RBFOX1: variants seen among roughly 807,000 people sequenced by gnomAD.
The protein encoded by RBFOX1 is RNA binding protein fox-1 homolog 1.
Under a neutral mutation model 57.7 loss-of-function variants are expected in RBFOX1, and 8 were observed. The ratio of observed to expected loss-of-function variants is 0.14; its 90% CI spans 0.08 to 0.25. The LOEUF (loss-of-function observed/expected upper bound fraction) is 0.25, where lower values mean the gene tolerates loss of function less well. Among genes scored for constraint, RBFOX1 ranks in the 10% least tolerant of loss-of-function variants. The pLI, the probability that RBFOX1 is intolerant of heterozygous loss-of-function variation, is 1.00. For synonymous variants in RBFOX1, 326 were observed against 222.4 expected (o/e 1.47, Z -4.15); for missense variants, 611 against 548.5 (o/e 1.11, Z -1.14).
In RBFOX1 at chr16:6,029,437, C is replaced by T. The variant is rs565300767; in HGVS notation, c.-127+9445C>T. Among the ~76,000 whole-genome samples the T allele has an allele frequency of 5.3e-5, 8 of 152,294 alleles. No homozygotes were observed. In the South Asian group the frequency reaches 1.2e-3, roughly 24 times the overall value. Reference sequence around the variant, plus strand: ...TATATGCACACTGAAAGAGGATAGACTATTTAAAGTTTGAGAATTTTTACA... The same window carrying T: ...TATATGCACACTGAAAGAGGATAGATTATTTAAAGTTTGAGAATTTTTACA... On this transcript the variant is annotated intron_variant, in intron 1 of 15. Coordinates refer to ENST00000550418, the MANE Select transcript of RBFOX1 (RefSeq NM_018723.4).
At chr16:6,583,649 A>C (rs1359491573) in intron 2 of RBFOX1, among the ~76,000 whole-genome samples, 2 of 152,194 alleles carry the variant, frequency 1.3e-5, no homozygotes, top group South Asian at 2.1e-4. Flanking sequence ...GGTTTTGTCA[A>C]GGTAACTAGG....
At chr16:5,702,294 C>T (rs2151484483) in intron 3 of RBFOX1, among the ~76,000 whole-genome samples, 1 of 152,254 alleles carries the variant, frequency 6.6e-6, no homozygotes, top group Non-Finnish European at 1.5e-5. Flanking sequence ...GGAGATAGAG[C>T]AAAAGGGGAT....
At chr16:6,621,556 C>T (rs114620334) in intron 2 of RBFOX1, among the ~76,000 whole-genome samples, 1,686 of 152,286 alleles carry the variant, frequency 0.011, 32 homozygotes, top group African/African-American at 0.035. Context: ...TTAATTACAT[C>T]GGCAAAGCCC....
At chr16:7,479,637 G>A (rs1048201032) in intron 4 of RBFOX1, among the ~76,000 whole-genome samples, 9 of 152,162 alleles carry the variant, frequency 5.9e-5, no homozygotes, top group African/African-American at 1.9e-4. Context: ...GAAGGATGCA[G>A]CTTCTTCTGC....
intron 1 of RBFOX1, among the ~76,000 whole-genome samples, chr16:6,291,187 T>C (rs1387586580): frequency 1.3e-5 from 2 of 152,180 alleles, no homozygotes; most frequent in Non-Finnish European, 2.9e-5. Context: ...CAGCAAGGTC[T>C]TCTTGACCTG....
At chr16:7,080,859 G>C (rs563143088) in intron 4 of RBFOX1, among the ~76,000 whole-genome samples, 1 of 152,232 alleles carries the variant, frequency 6.6e-6, no homozygotes, top group South Asian at 2.1e-4. Context: ...TCCATCCTCA[G>C]GACCAAGGGA....
At chr16:5,245,166 A>T (rs912684450) in intron 1 of RBFOX1, among the ~76,000 whole-genome samples, 10 of 152,206 alleles carry the variant, frequency 6.6e-5, no homozygotes, top group Admixed American at 2.0e-4. Flanking sequence ...GGCGAGTCAC[A>T]TGATGGTGTT....
At chr16:5,742,705 T>C (rs532809873) in intron 3 of RBFOX1, among the ~76,000 whole-genome samples, 1 of 152,222 alleles carries the variant, frequency 6.6e-6, no homozygotes, top group Non-Finnish European at 1.5e-5. Flanking sequence ...GTATCATATA[T>C]GACTTAAAGA....
chr16:6,397,004 A>C (rs2092865503), intron 2 of RBFOX1, among the ~76,000 whole-genome samples: 2 of 152,238 alleles, frequency 1.3e-5, no homozygotes, highest in Admixed American at 1.3e-4. Context: ...AATGTATATC[A>C]TTCAATTTGA....
chr16:6,556,328 C>T (rs17140585), intron 2 of RBFOX1, among the ~76,000 whole-genome samples: 1 of 152,104 alleles, frequency 6.6e-6, no homozygotes. Flanking sequence ...TCAAGTGACA[C>T]TATCTCTTTG....
At chr16:7,433,512 T>C (rs1220313960) in intron 4 of RBFOX1, among the ~76,000 whole-genome samples, 1 of 152,084 alleles carries the variant, frequency 6.6e-6, no homozygotes, top group African/African-American at 2.4e-5. Context: ...TACAGACAAA[T>C]GCGCGGTGAA....
chr16:5,781,638 C>G (rs1388850731), intron 3 of RBFOX1, among the ~76,000 whole-genome samples: 2 of 152,224 alleles, frequency 1.3e-5, no homozygotes, highest in Admixed American at 6.5e-5. Flanking sequence ...TAGACGTGTA[C>G]ACAAATGGAT....
At chr16:5,312,208 C>A (rs1395709670) in intron 1 of RBFOX1, among the ~76,000 whole-genome samples, 2 of 152,220 alleles carry the variant, frequency 1.3e-5, no homozygotes, top group Non-Finnish European at 2.9e-5. Context: ...AAGCTTACTT[C>A]GGGTGAAAGA....
chr16:6,999,105 G>A (rs2092532388), intron 3 of RBFOX1, among the ~76,000 whole-genome samples: 1 of 150,178 alleles, frequency 6.7e-6, no homozygotes. Context: ...CTGACTTCAG[G>A]TGATCCGCCC....
At chr16:7,103,975 T>C (rs1399537523) in intron 4 of RBFOX1, among the ~76,000 whole-genome samples, 1 of 152,188 alleles carries the variant, frequency 6.6e-6, no homozygotes, top group Non-Finnish European at 1.5e-5. Context: ...TTTACACAAC[T>C]TGCTCCCTAT....
chr16:7,543,018 C>T (rs1231303361), intron 5 of RBFOX1, among the ~76,000 whole-genome samples: 1 of 152,176 alleles, frequency 6.6e-6, no homozygotes, highest in African/African-American at 2.4e-5. Flanking sequence ...TAGGTTGCAT[C>T]TCAGTGAATG....
At chr16:5,386,813 G>A (rs2066271469) in intron 1 of RBFOX1, among the ~76,000 whole-genome samples, 1 of 152,220 alleles carries the variant, frequency 6.6e-6, no homozygotes, top group African/African-American at 2.4e-5. Flanking sequence ...CACTTTGGAA[G>A]GCCAAGGTGG....
At chr16:5,642,321 C>G (rs989722316) in intron 3 of RBFOX1, among the ~76,000 whole-genome samples, 1 of 152,054 alleles carries the variant, frequency 6.6e-6, no homozygotes, top group East Asian at 1.9e-4. Flanking sequence ...TGCGAATTAC[C>G]CGAAATACAT....
chr16:6,185,305 T>C lies in RBFOX1; in HGVS notation c.-126-131690T>C, dbSNP rs372768976. On this transcript the variant is annotated intron_variant, in intron 1 of 15. Coordinates refer to ENST00000550418, the MANE Select transcript of RBFOX1 (RefSeq NM_018723.4). ...TTGTCTATATTTGCTATAATTTCTTTTCCTTCCATTCTCTCTTGAATTCAT... is the reference window on the plus strand; with the variant it reads ...TTGTCTATATTTGCTATAATTTCTTCTCCTTCCATTCTCTCTTGAATTCAT... Among the ~76,000 whole-genome samples, 66 of 152,356 alleles carry C rather than the reference T, an allele frequency of 4.3e-4. 1 individual carries two copies. Among genetic ancestry groups the C allele is most frequent in the African/African-American group, 1.0e-3 (43 of 41,590 alleles).
Sources: allele counts gnomAD v4.1 joint callset (sites outside exome capture counted in the v4.1 genomes callset), GRCh38; gene constraint gnomAD v4.1.1; transcripts MANE v1.5; gene names NCBI Gene and HGNC (gene_info 2026-07-23, HGNC 2026-07-21).